CABIN1: variants seen among roughly 807,000 people sequenced by gnomAD.
CABIN1 encodes the protein calcineurin binding protein 1.
CABIN1 carries 133 observed loss-of-function variants against 227.7 expected under a neutral mutation model. That is an observed-to-expected ratio of 0.58 (90% confidence interval 0.51 to 0.67). CABIN1 has a LOEUF of 0.67. Among genes scored for constraint, CABIN1 ranks in the 30% least tolerant of loss-of-function variants. CABIN1 has a pLI of 0.00. For missense variants in CABIN1, 2,408 were observed against 2,852.5 expected (o/e 0.84, Z 3.55); for synonymous variants, 1,086 against 1,155.1 (o/e 0.94, Z 1.21).
chr22:24,034,329 T>C (rs2036709193), intron 1 of CABIN1, among the ~76,000 whole-genome samples: 3 of 152,260 alleles, frequency 2.0e-5, no homozygotes, highest in Non-Finnish European at 4.4e-5. Context: ...ATTCTGGACA[T>C]TTCATATAAT....
intron 26 of CABIN1, among the ~76,000 whole-genome samples, chr22:24,100,991 A>G (rs1363617114): frequency 1.3e-5 from 2 of 152,164 alleles, no homozygotes; most frequent in African/African-American, 4.8e-5. Context: ...AGTCCCCCTC[A>G]GTTTGCACCC....
chr22:24,149,725 C>A (rs1224862741), intron 29 of CABIN1, among the ~76,000 whole-genome samples: 1 of 152,242 alleles, frequency 6.6e-6, no homozygotes, highest in Non-Finnish European at 1.5e-5. Flanking sequence ...GTTCTCCAAA[C>A]TCCCTTGCTG....
chr22:24,166,166 G>A (rs1322508352), intron 31 of CABIN1, among the ~76,000 whole-genome samples: 3 of 152,220 alleles, frequency 2.0e-5, no homozygotes, highest in Admixed American at 2.0e-4. Context: ...CTGTTGGGGA[G>A]GAGTCCTTGC....
At chr22:24,149,303 G>A (rs753943504) in intron 29 of CABIN1, among the ~76,000 whole-genome samples, 3 of 151,966 alleles carry the variant, frequency 2.0e-5, no homozygotes, top group Non-Finnish European at 4.4e-5. Context: ...TTCTTTATCT[G>A]CAAAGTGGGG....
intron 1 of CABIN1, among the ~76,000 whole-genome samples, chr22:24,013,242 G>A (rs2034971531): frequency 7.1e-6 from 1 of 141,124 alleles, no homozygotes; most frequent in Non-Finnish European, 1.5e-5. Context: ...TGTGGCCCAG[G>A]CTGGAGTGCA....
rs368171264 is a variant in CABIN1 at position 24,064,028 on chromosome 22, T to C, written c.1885-7T>C. On this transcript the variant is annotated splice_region_variant and splice_polypyrimidine_tract_variant and intron_variant, in intron 14 of 36. Coordinates refer to ENST00000263119, the MANE Select transcript of CABIN1 (RefSeq NM_012295.4). ...TTGGTTCCCTGACCTGTTTTCCGTCTAACCAGGGAGACATGGAGCAGGCCC... is the reference window on the plus strand; with the variant it reads ...TTGGTTCCCTGACCTGTTTTCCGTCCAACCAGGGAGACATGGAGCAGGCCC... 16 of 1,614,026 alleles carry C rather than the reference T, an allele frequency of 9.9e-6. No individual in the cohort carries two copies. The African/African-American group carries it at 1.5e-4, about 15-fold the overall frequency.
chr22:24,072,551 C>A, intron 18 of CABIN1, 41 bp downstream of exon 18: 1 of 1,612,824 alleles, frequency 6.2e-7, no homozygotes, highest in South Asian at 1.1e-5. Flanking sequence ...GCTCTGACTC[C>A]CATGTCCTTG....
intron 16 of CABIN1, among the ~76,000 whole-genome samples, chr22:24,067,875 A>AGG (rs1168134249): frequency 6.6e-6 from 1 of 152,148 alleles, no homozygotes; most frequent in African/African-American, 2.4e-5. Flanking sequence ...TACTGCTGTC[A>AGG]TCGTTGCCAC....
At chr22:24,172,072 A>G (rs1260394639) in intron 34 of CABIN1, 77 bp downstream of exon 34, 1 of 1,522,974 alleles carries the variant, frequency 6.6e-7, no homozygotes, top group Admixed American at 1.9e-5. Context: ...GAGTGTGAGT[A>G]TGGGTAAGGG....
At chr22:24,015,484 A>G (rs1238138138) in intron 1 of CABIN1, among the ~76,000 whole-genome samples, 2 of 150,008 alleles carry the variant, frequency 1.3e-5, no homozygotes, top group African/African-American at 4.9e-5. Context: ...AGCTGGGACT[A>G]CAGGCGCCCA....
intron 16 of CABIN1, among the ~76,000 whole-genome samples, chr22:24,070,569 C>G (rs2040010629): frequency 6.6e-6 from 1 of 152,258 alleles, no homozygotes. Context: ...AGAGGTGAAG[C>G]CTTTCTGAAA....
At chr22:24,115,726 T>C (rs935386652) in intron 27 of CABIN1, among the ~76,000 whole-genome samples, 2 of 152,198 alleles carry the variant, frequency 1.3e-5, no homozygotes, top group Non-Finnish European at 2.9e-5. Flanking sequence ...GCCTTTGGCC[T>C]CCCTGCAGAA....
intron 6 of CABIN1, among the ~76,000 whole-genome samples, chr22:24,048,148 G>A (rs116769684): frequency 0.016 from 2,375 of 152,216 alleles, 46 homozygotes; most frequent in African/African-American, 0.054. Flanking sequence ...TTAAATTGTA[G>A]GCAGTAGCTT....
chr22:24,063,049 T>A lies in CABIN1; in HGVS notation c.1787T>A (p.Leu596Gln). Reference protein sequence around the residue: ...GTHCLGDLLQLSFASSQRDLF... With the variant: ...GTHCLGDLLQQSFASSQRDLF... ...CACTGCCTGGGTGACCTCCTACAGC[T>A]GTCATTTGCCTCGTCCCAGCGCGAC... Residue 596 changes from leucine to glutamine, a missense_variant, in exon 14 of 37, where the codon CTG (leucine) becomes CAG (glutamine). Around this residue, in one of 3 missense-constraint regions of CABIN1, gnomAD observed 1,045 missense variants for 1,168.4 expected, o/e 0.89. Transcript: ENST00000263119. The A allele has an allele frequency of 6.2e-7, 1 of 1,614,182 alleles. No individual in the cohort carries two copies. The highest frequency in any genetic ancestry group is 8.5e-7 in the Non-Finnish European group (1 of 1,180,018).
chr22:24,144,425 G>T (rs888107723), intron 29 of CABIN1, among the ~76,000 whole-genome samples: 2 of 152,232 alleles, frequency 1.3e-5, no homozygotes, highest in Non-Finnish European at 2.9e-5. Flanking sequence ...ACCTGATGGT[G>T]CATGTCATCT....
chr22:24,134,531 T>C (rs2044272535), intron 29 of CABIN1, 116 bp downstream of exon 29: 1 of 789,174 alleles, frequency 1.3e-6, no homozygotes, highest in Non-Finnish European at 2.2e-6. Flanking sequence ...TGCGGCATCC[T>C]CAGAGGGCAG....
At chr22:24,088,286 C>T (rs541304429) in intron 23 of CABIN1, among the ~76,000 whole-genome samples, 7 of 152,206 alleles carry the variant, frequency 4.6e-5, no homozygotes, top group East Asian at 3.9e-4. Context: ...GTGTCAGCAC[C>T]GCCTCCTCTT....
At chr22:24,032,944 G>A (rs754661438) in intron 1 of CABIN1, among the ~76,000 whole-genome samples, 3 of 152,158 alleles carry the variant, frequency 2.0e-5, no homozygotes, top group Non-Finnish European at 4.4e-5. Context: ...CAGGCGTGGT[G>A]GCAGATACCT....
At chr22:24,104,156 ATC>A (rs374704639) in intron 26 of CABIN1, among the ~76,000 whole-genome samples, 1 of 151,740 alleles carries the variant, frequency 6.6e-6, no homozygotes, top group Non-Finnish European at 1.5e-5. Flanking sequence ...TGGTCACAGG[ATC>A]TCTCTCTCTC....
Sources: gnomAD v4.1 joint callset for allele counts (sites outside exome capture counted in the v4.1 genomes callset) on GRCh38, gnomAD v4.1.1 for gene constraint, gnomAD v4.1.1 regional missense constraint, MANE v1.5 for transcripts, NCBI Gene and HGNC (gene_info 2026-07-23, HGNC 2026-07-21) for gene names.